The following ERC1 variants were observed in gnomAD, a reference collection of about 807,000 sequenced individuals.
The protein encoded by ERC1 is RAB6 interacting protein 2.
In ERC1, 56 loss-of-function variants were observed where a neutral mutation model predicts 132.0. The ratio of observed to expected loss-of-function variants is 0.42; its 90% CI spans 0.34 to 0.53. The LOEUF (loss-of-function observed/expected upper bound fraction) is 0.53. ERC1 is among the 20% of genes least tolerant of loss of function. The pLI, the probability that ERC1 is intolerant of heterozygous loss-of-function variation, is 0.03. For missense variants in ERC1, 1,202 were observed against 1,349.9 expected (o/e 0.89, Z 1.72); for synonymous variants, 478 against 476.1 (o/e 1.00, Z -0.05).
intron 13 of ERC1, among the ~76,000 whole-genome samples, chr12:1,260,860 C>G (rs566135151): frequency 6.6e-6 from 1 of 152,224 alleles, no homozygotes; most frequent in Non-Finnish European, 1.5e-5. Context: ...CAGCCATTTC[C>G]TTTTATTTGT....
chr12:1,071,970 G>A (rs543404329), intron 2 of ERC1, among the ~76,000 whole-genome samples: 5 of 151,886 alleles, frequency 3.3e-5, no homozygotes, highest in East Asian at 1.9e-4. Flanking sequence ...GCTTGGTGGC[G>A]GGCACCTGTA....
intron 17 of ERC1, among the ~76,000 whole-genome samples, chr12:1,440,400 G>T (rs1230535731): frequency 1.3e-5 from 2 of 150,086 alleles, no homozygotes; most frequent in Non-Finnish European, 3.0e-5. Flanking sequence ...TAGAGACGGG[G>T]TTTCACCGTG....
chr12:1,400,953 T>TTTTTTTTTG (rs1477365626), intron 16 of ERC1, among the ~76,000 whole-genome samples: 5 of 90,270 alleles, frequency 5.5e-5, no homozygotes, highest in Non-Finnish European at 9.5e-5. Context: ...TTTTTTTTTT[T>TTTTTTTTTG]GTGACGGAGT....
Position 1,121,687 on chromosome 12 carries a change from ATC to A in ERC1, c.1569+5658_1569+5659del, listed in dbSNP as rs1477731214. ...TCTATCTCTATCTCTATCTATCTCT[ATC>A]TCTATCTCTATCTCTATCTGTGTCT... On this transcript the variant is annotated intron_variant, in intron 7 of 18. Coordinates refer to ENST00000360905, the MANE Select transcript of ERC1 (RefSeq NM_178040.4). Among the ~76,000 whole-genome samples the A allele has an allele frequency of 1.2e-3, 72 of 60,430 alleles. 1 individual carries two copies. Among genetic ancestry groups the A allele is most frequent in the African/African-American group, 3.2e-3 (52 of 16,496 alleles). The allele number at this position is 60,430 out of a possible 152,430, so 39.6% of individuals were successfully genotyped here.
chr12:1,395,621 CAG>C (rs906428530), intron 16 of ERC1, among the ~76,000 whole-genome samples: 2 of 151,708 alleles, frequency 1.3e-5, no homozygotes, highest in African/African-American at 4.8e-5. Context: ...ATCTTCAGCT[CAG>C]GGAAAACTAT....
At chr12:1,342,962 C>T (rs886390969) in intron 15 of ERC1, among the ~76,000 whole-genome samples, 1 of 152,196 alleles carries the variant, frequency 6.6e-6, no homozygotes, top group African/African-American at 2.4e-5. Context: ...ATTAAACACA[C>T]TTAATGAAAT....
At chr12:1,017,976 A>G (rs1010968412) in intron 1 of ERC1, among the ~76,000 whole-genome samples, 3 of 152,112 alleles carry the variant, frequency 2.0e-5, no homozygotes, top group Non-Finnish European at 4.4e-5. Flanking sequence ...GTGTATGTGA[A>G]TTTTTAATTT....
At chr12:1,257,116 C>T (rs2076865295) in intron 13 of ERC1, 1 of 141,406 alleles carries the variant, frequency 7.1e-6, no homozygotes, top group Non-Finnish European at 1.5e-5. Flanking sequence ...GATGCAACTG[C>T]CTTGCACTCC....
chr12:1,275,236 C>T (rs921163283), intron 14 of ERC1, among the ~76,000 whole-genome samples: 2 of 152,128 alleles, frequency 1.3e-5, no homozygotes, highest in Non-Finnish European at 2.9e-5. Context: ...ACCTGTAATG[C>T]CAGCACTTTG....
At chr12:1,294,444 C>T (rs1373085309) in intron 15 of ERC1, among the ~76,000 whole-genome samples, 3 of 152,138 alleles carry the variant, frequency 2.0e-5, no homozygotes, top group Non-Finnish European at 4.4e-5. Context: ...ATAAAGGCTC[C>T]GAAAGTCCCT....
chr12:1,190,142 C>T, intron 12 of ERC1, 90 bp downstream of exon 12: 1 of 1,173,118 alleles, frequency 8.5e-7, no homozygotes, highest in Non-Finnish European at 1.3e-6. Context: ...GTGTATCTAA[C>T]TCTGAATTTA....
chr12:1,467,356 C>T (rs557179334), intron 18 of ERC1, among the ~76,000 whole-genome samples: 2 of 152,110 alleles, frequency 1.3e-5, no homozygotes, highest in South Asian at 2.1e-4. Flanking sequence ...TTCTCCTTAG[C>T]GTGCCCAGTG....
chr12:1,003,080 A>C (rs932237524), intron 1 of ERC1, among the ~76,000 whole-genome samples: 5 of 122,822 alleles, frequency 4.1e-5, no homozygotes, highest in African/African-American at 8.6e-5. Context: ...GTGAAACCCT[A>C]TCTCTATGAA....
chr12:1,091,080 G>C (rs918352408), intron 3 of ERC1, among the ~76,000 whole-genome samples: 29 of 152,054 alleles, frequency 1.9e-4, no homozygotes, highest in African/African-American at 7.0e-4. Flanking sequence ...GTAGAGATGG[G>C]GTTTCGCCAT....
intron 18 of ERC1, among the ~76,000 whole-genome samples, chr12:1,465,219 G>C (rs2093721143): frequency 6.6e-6 from 1 of 152,192 alleles, no homozygotes; most frequent in Middle Eastern, 3.2e-3. Context: ...ATGCCAAAGA[G>C]ACATGAATGT....
At chr12:1,297,536 TA>T (rs2080051695) in intron 15 of ERC1, among the ~76,000 whole-genome samples, 2 of 72,034 alleles carry the variant, frequency 2.8e-5, no homozygotes, top group Non-Finnish European at 5.3e-5. Flanking sequence ...ACCCTGTTTC[TA>T]CAAAAAAAAA....
At chr12:1,048,119 A>C (rs1971364751) in intron 2 of ERC1, among the ~76,000 whole-genome samples, 1 of 152,192 alleles carries the variant, frequency 6.6e-6, no homozygotes, top group South Asian at 2.1e-4. Flanking sequence ...TGACTTTCTC[A>C]AAGTGTTGAC....
intron 8 of ERC1, among the ~76,000 whole-genome samples, chr12:1,173,768 A>G (rs1953352176): frequency 6.6e-6 from 1 of 151,312 alleles, no homozygotes; most frequent in Non-Finnish European, 1.5e-5. Context: ...ATGTGGTAAC[A>G]TTCATTCTTC....
chr12:1,307,005 G>A (rs554063075), intron 15 of ERC1, among the ~76,000 whole-genome samples: 3 of 152,186 alleles, frequency 2.0e-5, no homozygotes, highest in South Asian at 4.2e-4. Flanking sequence ...AAGTGCTGAC[G>A]GGCTCCGGAG....
Sources: gnomAD v4.1 joint callset for allele counts (sites outside exome capture counted in the v4.1 genomes callset) on GRCh38, gnomAD v4.1.1 for gene constraint, MANE v1.5 for transcripts, NCBI Gene and HGNC (gene_info 2026-07-23, HGNC 2026-07-21) for gene names.